NUCB2: variants seen among roughly 807,000 people sequenced by gnomAD.
NUCB2 encodes nucleobindin 2.
A neutral mutation model predicts 57.9 loss-of-function variants in NUCB2; 48 were observed. The ratio of observed to expected loss-of-function variants is 0.83; its 90% CI spans 0.66 to 1.05. NUCB2 has a LOEUF of 1.05. NUCB2 is among the 50% of genes least tolerant of loss of function. The probability of loss-of-function intolerance (pLI) is 0.00; values close to 1 mark genes in which losing one functional copy is unlikely to be tolerated. For synonymous variants in NUCB2, 139 were observed against 152.1 expected (o/e 0.91, Z 0.64); for missense variants, 442 against 476.2 (o/e 0.93, Z 0.67).
intron 2 of NUCB2, among the ~76,000 whole-genome samples, chr11:17,291,683 G>C (rs970007339): frequency 1.3e-5 from 2 of 151,908 alleles, no homozygotes; most frequent in African/African-American, 4.8e-5. Flanking sequence ...TGAAATGTAA[G>C]TCTGACAATC....
intron 2 of NUCB2, among the ~76,000 whole-genome samples, chr11:17,292,365 A>G (rs1398842869): frequency 6.6e-6 from 1 of 152,152 alleles, no homozygotes; most frequent in Non-Finnish European, 1.5e-5. Context: ...TGAGATGAGC[A>G]TTCTCTTTCT....
At chr11:17,295,959 A>C (rs1477524061) in intron 3 of NUCB2, 145 bp from the exon 4 acceptor site, 2 of 504,380 alleles carry the variant, frequency 4.0e-6, no homozygotes, top group Non-Finnish European at 6.9e-6. Context: ...TTATTTCAGA[A>C]ATATAGCTTT....
In NUCB2 at chr11:17,331,641, T is replaced by C. The variant is rs1419396656; in HGVS notation, c.*222T>C. On this transcript the variant is annotated 3_prime_UTR_variant, in exon 14 of 14. Transcript: ENST00000529010. ...AACAAACTCACTGTCTGCTCTCTGC[T>C]CTCACATTCACACGGCTCTTTTATT... 2 of 388,784 alleles carry C rather than the reference T, an allele frequency of 5.1e-6. No homozygotes were observed. The highest frequency in any genetic ancestry group is 9.3e-6 in the Non-Finnish European group (2 of 215,800). The allele number at this position is 388,784 out of a possible 1,614,324, so 24.1% of individuals were successfully genotyped here.
intron 2 of NUCB2, among the ~76,000 whole-genome samples, chr11:17,288,880 TATACACACACAC>T (rs1449835113): frequency 0.026 from 1,785 of 67,472 alleles, 116 homozygotes; most frequent in Middle Eastern, 0.038. Context: ...ATAACATGTA[TATACACACACAC>T]ACACACACAC....
At chr11:17,277,543 A>G (rs940866613) in intron 1 of NUCB2, among the ~76,000 whole-genome samples, 10 of 152,072 alleles carry the variant, frequency 6.6e-5, no homozygotes. Flanking sequence ...ATGAGAATGA[A>G]CGGGAACCAT....
intron 2 of NUCB2, among the ~76,000 whole-genome samples, chr11:17,338,732 C>T (rs1383222573): frequency 2.0e-5 from 3 of 150,522 alleles, no homozygotes; most frequent in African/African-American, 2.5e-5. Flanking sequence ...GGCGTGATCT[C>T]GGCTCACTGT....
intron 2 of NUCB2, among the ~76,000 whole-genome samples, chr11:17,338,930 T>C (rs1282772403): frequency 1.3e-5 from 2 of 151,216 alleles, no homozygotes; most frequent in East Asian, 2.0e-4. Context: ...TCCCAAAGTG[T>C]TGGGATTACA....
chr11:17,287,957 C>G (rs1944076854), intron 2 of NUCB2, among the ~76,000 whole-genome samples: 1 of 152,140 alleles, frequency 6.6e-6, no homozygotes, highest in African/African-American at 2.4e-5. Flanking sequence ...GAGATCGCGG[C>G]ACTGCACTCC....
chr11:17,285,765 A>G (rs1044342681), intron 2 of NUCB2, among the ~76,000 whole-genome samples: 3 of 150,792 alleles, frequency 2.0e-5, no homozygotes, highest in Admixed American at 6.6e-5. Context: ...AAAAAAAAAA[A>G]AGATATATAA....
intron 1 of NUCB2, 146 bp from the exon 2 acceptor site, chr11:17,282,643 G>T (rs925375521): frequency 6.6e-6 from 1 of 151,948 alleles, no homozygotes; most frequent in Non-Finnish European, 1.5e-5. Flanking sequence ...ATATAATTTA[G>T]TCTCCTTCCA....
At chr11:17,342,794 T>A (rs1455497346) in intron 2 of NUCB2, among the ~76,000 whole-genome samples, 1 of 151,380 alleles carries the variant, frequency 6.6e-6, no homozygotes, top group African/African-American at 2.4e-5. Context: ...ATTCTGTTGA[T>A]TTGGGGTGGA....
chr11:17,306,695 T>A (rs1246483778), intron 5 of NUCB2, among the ~76,000 whole-genome samples: 1 of 152,090 alleles, frequency 6.6e-6, no homozygotes, highest in Non-Finnish European at 1.5e-5. Flanking sequence ...GGTGGGTGGA[T>A]CACCTGAGGT....
chr11:17,309,621 C>T lies in NUCB2; in HGVS notation c.429C>T (p.Asn143=). The change falls in exon 6 of 14, where the codon AAC becomes AAT. Residue 143 remains asparagine (N), a synonymous_variant. Coordinates refer to ENST00000529010, the MANE Select transcript of NUCB2 (RefSeq NM_005013.4). ...TTCTAAAACAATTTGATCACCTAAA[C>T]CACCTGAATCCTGACAAGTTTGAAT... ...QALLKQFDHL[N]HLNPDKFEST... is the part of the protein sequence containing the mutation. The T allele has an allele frequency of 6.2e-7, 1 of 1,606,984 alleles. No homozygotes were observed. Among genetic ancestry groups the T allele is most frequent in the East Asian group, 2.3e-5 (1 of 44,236 alleles).
chr11:17,340,887 C>T (rs962339751), intron 2 of NUCB2, among the ~76,000 whole-genome samples: 3 of 152,112 alleles, frequency 2.0e-5, no homozygotes, highest in African/African-American at 7.2e-5. Flanking sequence ...ATGGGGATGG[C>T]GTTGAATCTA....
Position 17,301,855 on chromosome 11 carries a change from T to C in NUCB2, c.364T>C (p.Leu122=), listed in dbSNP as rs762592534. The change falls in exon 5 of 14, where the codon TTG becomes CTG. Residue 122 remains leucine, a synonymous_variant. Coordinates refer to ENST00000529010, the MANE Select transcript of NUCB2 (RefSeq NM_005013.4). ...GRLRMLIKAK[L]DSLQDIGMDH... Reference sequence around the variant, plus strand: ...GTTAAGAATGTTAATTAAAGCTAAGTTGGATTCCCTTCAAGGTAAGTGCTA... The same window carrying C: ...GTTAAGAATGTTAATTAAAGCTAAGCTGGATTCCCTTCAAGGTAAGTGCTA... 6.2e-6 allele frequency: 10 copies of C among 1,613,052 alleles called. No homozygotes were observed. In the African/African-American group the frequency reaches 8.0e-5, roughly 13 times the overall value.
intron 1 of NUCB2, among the ~76,000 whole-genome samples, chr11:17,278,032 C>T (rs1941691522): frequency 6.6e-6 from 1 of 151,980 alleles, no homozygotes; most frequent in Admixed American, 6.6e-5. Flanking sequence ...TTCAAGCTTT[C>T]CATGATCTCA....
At chr11:17,329,037 G>T (rs1209582557) in intron 11 of NUCB2, among the ~76,000 whole-genome samples, 1 of 151,888 alleles carries the variant, frequency 6.6e-6, no homozygotes, top group African/African-American at 2.4e-5. Flanking sequence ...GCTCCCTTAA[G>T]GCAGCAGTTT....
intron 5 of NUCB2, among the ~76,000 whole-genome samples, chr11:17,304,479 C>T (rs982978759): frequency 2.6e-5 from 4 of 152,064 alleles, no homozygotes; most frequent in African/African-American, 9.7e-5. Flanking sequence ...CAGGCATTAG[C>T]CACCGTGCCT....
intron 10 of NUCB2, among the ~76,000 whole-genome samples, chr11:17,313,004 C>T (rs1164555259): frequency 6.8e-6 from 1 of 146,886 alleles, no homozygotes; most frequent in East Asian, 2.3e-4. Context: ...AGCCGCCGCA[C>T]CAGGCCGATT....
Sources: gnomAD v4.1 joint callset for allele counts (sites outside exome capture counted in the v4.1 genomes callset) on GRCh38, gnomAD v4.1.1 for gene constraint, MANE v1.5 for transcripts, NCBI Gene and HGNC (gene_info 2026-07-23, HGNC 2026-07-21) for gene names.